The following MAPK8IP3 variants were observed in gnomAD, a reference collection of about 807,000 sequenced individuals.
MAPK8IP3 encodes mitogen-activated protein kinase 8 interacting protein 3.
Under a neutral mutation model 157.8 loss-of-function variants are expected in MAPK8IP3, and 49 were observed. The ratio of observed to expected loss-of-function variants is 0.31; its 90% CI spans 0.25 to 0.39. The LOEUF is 0.39. Ranked by LOEUF, MAPK8IP3 falls within the 10% of genes least tolerant of loss-of-function variation. MAPK8IP3 has a pLI of 1.00. For synonymous variants in MAPK8IP3, 897 were observed against 777.7 expected (o/e 1.15, Z -2.55); for missense variants, 1,478 against 1,889.4 (o/e 0.78, Z 4.04).
rs777150890 is a variant in MAPK8IP3 at position 1,764,378 on chromosome 16, G to A, written c.2199G>A (p.Ala733=). The change falls in exon 19 of 32, where the codon GCG becomes GCA. Residue 733 remains alanine, a synonymous_variant. Transcript: ENST00000610761. ...ACGCTGGGAATGGAGTCAAGCCAGC[G>A]CCAGGCCGCGATCCCCTGACCTGCG... ...EDDAGNGVKP[A]PGRDPLTCDR... The A allele has an allele frequency of 6.3e-7, 1 of 1,591,598 alleles. No individual in the cohort carries two copies. The highest frequency in any genetic ancestry group is 8.5e-7 in the Non-Finnish European group (1 of 1,170,576).
chr16:1,748,027 C>A (rs1263352609), intron 6 of MAPK8IP3, among the ~76,000 whole-genome samples: 1 of 152,222 alleles, frequency 6.6e-6, no homozygotes, highest in Non-Finnish European at 1.5e-5. Context: ...AGAGAGGCTG[C>A]TGCAACCCAC....
chr16:1,731,775 A>G (rs142165143), intron 4 of MAPK8IP3, among the ~76,000 whole-genome samples: 83 of 152,350 alleles, frequency 5.4e-4, no homozygotes, highest in Middle Eastern at 3.4e-3. Context: ...ATTTGAGATC[A>G]CAATCTTATA....
At chr16:1,721,304 T>G (rs903789048) in intron 1 of MAPK8IP3, among the ~76,000 whole-genome samples, 6 of 114,340 alleles carry the variant, frequency 5.2e-5, no homozygotes, top group Non-Finnish European at 8.5e-5. Flanking sequence ...TTGCACTCTA[T>G]CTCAAAAAAA....
Position 1,741,834 on chromosome 16 carries a change from G to A in MAPK8IP3, c.603-1498G>A, listed in dbSNP as rs979401262. ...CTGGTTCCCTCGTGCTACAGGATAC[G>A]GTGTTGTCCTGAACATAACAGAGCA... On this transcript the variant is annotated intron_variant, in intron 4 of 31. Transcript: ENST00000610761. The surrounding 1 kb of genome is among the most constrained non-coding windows in gnomAD (Gnocchi z 6.9). Among the ~76,000 whole-genome samples, 3 of 152,094 alleles carry A rather than the reference G, an allele frequency of 2.0e-5. No homozygotes were observed. Among genetic ancestry groups the A allele is most frequent in the Non-Finnish European group, 4.4e-5 (3 of 67,988 alleles).
chr16:1,715,820 C>T (rs2038110047), intron 1 of MAPK8IP3, among the ~76,000 whole-genome samples: 1 of 151,906 alleles, frequency 6.6e-6, no homozygotes, highest in Admixed American at 6.6e-5. Context: ...GCTCTGCCTC[C>T]CGGGTTCAAG....
intron 4 of MAPK8IP3, among the ~76,000 whole-genome samples, chr16:1,738,057 AGTGT>A (rs1240445834): frequency 9.4e-5 from 4 of 42,478 alleles, no homozygotes; most frequent in African/African-American, 1.0e-4. Flanking sequence ...CGTCCGTGTG[AGTGT>A]GTGACCATCC....
chr16:1,762,324 T>A, intron 13 of MAPK8IP3, 27 bp from the exon 14 acceptor site: 1 of 1,552,506 alleles, frequency 6.4e-7, no homozygotes, highest in South Asian at 1.2e-5. Flanking sequence ...GAGGGCTGGC[T>A]GAGCCTCTGT....
Position 1,769,015 on chromosome 16 carries a change from GGGGAA to G in MAPK8IP3, c.*192_*196del. The G allele has an allele frequency of 1.5e-6, 1 of 663,820 alleles. No individual in the cohort carries two copies. The highest frequency in any genetic ancestry group is 2.5e-6 in the Non-Finnish European group (1 of 394,938). The allele number at this position is 663,820 out of a possible 1,614,324, so 41.1% of individuals were successfully genotyped here. ...CGGATCAGCTGGGAGGAGGAGGGGAGGGGAACTTCCACCCGAGGGGAAGATGCTCT... is the reference window on the plus strand; with the variant it reads ...CGGATCAGCTGGGAGGAGGAGGGGAGCTTCCACCCGAGGGGAAGATGCTCT... On this transcript the variant is annotated 3_prime_UTR_variant, in exon 32 of 32. Transcript: ENST00000610761.
At chr16:1,737,685 C>CGT (rs776011538) in intron 4 of MAPK8IP3, among the ~76,000 whole-genome samples, 1 of 42,590 alleles carries the variant, frequency 2.3e-5, no homozygotes, top group Non-Finnish European at 4.2e-5. Context: ...TGTGACCGTC[C>CGT]GTGTGTGACC....
At chr16:1,723,190 C>T (rs538508266) in intron 1 of MAPK8IP3, among the ~76,000 whole-genome samples, 1 of 152,000 alleles carries the variant, frequency 6.6e-6, no homozygotes, top group Non-Finnish European at 1.5e-5. Context: ...TGTGCCACCA[C>T]ACCCGGCTAA....
intron 12 of MAPK8IP3, 42 bp from the exon 13 acceptor site, chr16:1,761,182 T>C (rs1462437914): frequency 6.6e-7 from 1 of 1,504,212 alleles, no homozygotes; most frequent in Non-Finnish European, 9.2e-7. Context: ...CCGAGGCCCC[T>C]GGGAGGCCCT....
In MAPK8IP3 at chr16:1,729,598, G is replaced by A. The variant is rs1033810416; in HGVS notation, c.602+20G>A. On this transcript the variant is annotated intron_variant, in intron 4 of 31. Coordinates refer to ENST00000610761, the MANE Select transcript of MAPK8IP3 (RefSeq NM_001318852.2). ...GCGGAGGTACGCGGGGCGCGGCGGG[G>A]TGGAGGTACGCGGGGCGCGGCGGGG... 8 of 1,574,434 alleles carry A rather than the reference G, an allele frequency of 5.1e-6. No homozygotes were observed. The highest frequency in any genetic ancestry group is 1.8e-5 in the Admixed American group (1 of 54,468).
chr16:1,766,320 A>G lies in MAPK8IP3; in HGVS notation c.2730A>G (p.Pro910=). ...TEVPDPGPSE[P]ETATLRPGPL... ...TGCCAGACCCTGGGCCCAGCGAGCC[A>G]GAGACAGCCACATTGCGGCCCGGGC... The change falls in exon 22 of 32, where the codon CCA becomes CCG. Residue 910 remains proline, a synonymous_variant. Transcript: ENST00000610761. The G allele has an allele frequency of 2.5e-6, 4 of 1,612,724 alleles. No homozygotes were observed. The highest frequency in any genetic ancestry group is 3.4e-6 in the Non-Finnish European group (4 of 1,179,990).
rs115323198 is a variant in MAPK8IP3, at chr16:1,765,967, C to T, written c.2454C>T (p.Ser818=). ...GGCCGTCCCTCTCCCCAGCGGCCAG[C>T]GACAGCGACTACCCTCCCGGGGAGA... ...VLCISSIPAA[S]DSDYPPGEMF... The change falls in exon 21 of 32, where the codon AGC becomes AGT. Residue 818 remains serine, a synonymous_variant. Transcript: ENST00000610761. 9.3e-4 allele frequency: 1,498 copies of T among 1,610,898 alleles called. 12 individuals carry two copies. The African/African-American group carries it at 0.017, about 18-fold the overall frequency.
rs116976471 is a variant in MAPK8IP3 at position 1,754,734 on chromosome 16, G to T, written c.1217-3414G>T. Reference sequence around the variant, plus strand: ...TGCAGTGAACTGAGATCATGCCACTGCACTCCAGAGCGAGACTCCGTCTCA... The same window carrying T: ...TGCAGTGAACTGAGATCATGCCACTTCACTCCAGAGCGAGACTCCGTCTCA... On this transcript the variant is annotated intron_variant, in intron 8 of 31. Coordinates refer to ENST00000610761, the MANE Select transcript of MAPK8IP3 (RefSeq NM_001318852.2). Among the ~76,000 whole-genome samples the T allele has an allele frequency of 4.9e-4, 74 of 149,582 alleles. 2 individuals carry two copies. The East Asian group carries it at 0.013, about 26-fold the overall frequency.
chr16:1,736,799 TGTGAGC>T (rs2039920667), intron 4 of MAPK8IP3, among the ~76,000 whole-genome samples: 1 of 55,308 alleles, frequency 1.8e-5, no homozygotes. Flanking sequence ...TGACCGTCCG[TGTGAGC>T]GTGTGACCGT....
chr16:1,739,055 CGTGTGAG>C (rs2040376608), intron 4 of MAPK8IP3, among the ~76,000 whole-genome samples: 1 of 116,978 alleles, frequency 8.5e-6, no homozygotes, highest in African/African-American at 3.4e-5. Context: ...TCCGTGTGAG[CGTGTGAG>C]CGTCCGTGTG....
Position 1,763,698 on chromosome 16 carries a change from A to T in MAPK8IP3, c.1940A>T (p.Gln647Leu). Residue 647 changes from glutamine to leucine, a missense_variant, in exon 17 of 32, where the codon CAG (glutamine) becomes CTG (leucine). By Grantham distance (113) the Gln-to-Leu change is moderately radical (BLOSUM62 -2). Transcript: ENST00000610761. ...SSARREQKREQYRQVREHVRN... is the reference protein window; with the variant it reads ...SSARREQKRELYRQVREHVRN... The stretch of plus-strand genomic sequence containing the variant: ...GCCCGTCGAGAGCAGAAGCGCGAGC[A>T]GTACCGCCAGGTGCGTGAGCACGTG... 1.9e-6 allele frequency: 3 copies of T among 1,594,784 alleles called. No individual in the cohort carries two copies. The highest frequency in any genetic ancestry group is 2.6e-6 in the Non-Finnish European group (3 of 1,169,378).
rs1567183857 is a variant in MAPK8IP3 at position 1,748,276 on chromosome 16, C to G, written c.1027C>G (p.Gln343Glu). The change falls in exon 7 of 32, where the codon CAA (glutamine) becomes GAA (glutamate). Residue 343 changes from glutamine (Q) to glutamate (E), a missense_variant. Transcript: ENST00000610761. ...MGSSDEWSDV[Q>E]DIIDSTPELD... ...CAGCAGTGACGAGTGGTCTGATGTT[C>G]AAGACATTATTGACTCCACGCCAGA... 2 of 1,613,992 alleles carry G rather than the reference C, an allele frequency of 1.2e-6. No homozygotes were observed. Among genetic ancestry groups the G allele is most frequent in the Non-Finnish European group, 1.7e-6 (2 of 1,179,994 alleles).
Sources: gnomAD v4.1 joint callset for allele counts (sites outside exome capture counted in the v4.1 genomes callset) on GRCh38, gnomAD v4.1.1 for gene constraint, Gnocchi (gnomAD v3.1) non-coding constraint, MANE v1.5 for transcripts, NCBI Gene and HGNC (gene_info 2026-07-23, HGNC 2026-07-21) for gene names.